The following CD2AP variants were observed in gnomAD, a reference collection of about 807,000 sequenced individuals.
CD2AP encodes the protein CD2-associated protein.
CD2AP carries 46 observed loss-of-function variants against 85.1 expected under a neutral mutation model. The observed-to-expected ratio is 0.54, with a 90% CI of 0.43 to 0.69. The LOEUF is 0.69. Among genes scored for constraint, CD2AP ranks in the 30% least tolerant of loss-of-function variants. The pLI, the probability that CD2AP is intolerant of heterozygous loss-of-function variation, is 0.00. For missense variants in CD2AP, 769 were observed against 729.5 expected, an observed-to-expected ratio of 1.05 and a Z score of -0.62; for synonymous variants, 255 against 252.9, an observed-to-expected ratio of 1.01 and a Z score of -0.08.
In CD2AP at chr6:47,567,084, G is replaced by GTT. The variant is rs34283930; in HGVS notation, c.542-6968_542-6967dup. ...AGAGTTTTGTTTTTCTGATTTCCCA[G>GTT]TTTTTTTTTTTTTAACTTTACTATG... is the stretch of plus-strand genomic sequence containing the variant. On this transcript the variant is annotated intron_variant, in intron 5 of 17. Coordinates refer to ENST00000359314, the MANE Select transcript of CD2AP (RefSeq NM_012120.3). Among the ~76,000 whole-genome samples, 128 of 145,788 alleles carry GTT rather than the reference G, an allele frequency of 8.8e-4. 1 individual carries two copies. In the East Asian group the frequency reaches 0.014, roughly 16 times the overall value.
At chr6:47,481,436 C>T (rs1254772476) in intron 1 of CD2AP, among the ~76,000 whole-genome samples, 1 of 152,082 alleles carries the variant, frequency 6.6e-6, no homozygotes, top group Non-Finnish European at 1.5e-5. Context: ...ACCTCCGCCT[C>T]CTGGGTTCAA....
intron 1 of CD2AP, among the ~76,000 whole-genome samples, chr6:47,495,885 C>T (rs934090556): frequency 3.3e-5 from 5 of 152,128 alleles, no homozygotes; most frequent in Admixed American, 2.0e-4. Flanking sequence ...CTTATAAAAA[C>T]CTGATGTTAA....
At chr6:47,603,690 G>A (rs1017121517) in intron 13 of CD2AP, among the ~76,000 whole-genome samples, 63 of 151,836 alleles carry the variant, frequency 4.1e-4, no homozygotes, top group African/African-American at 1.5e-3. Context: ...CTTTTTTCCT[G>A]TTTTGTAAAA....
At position 47,627,071 on chromosome 6, in the gene CD2AP, T is replaced by G. The variant is rs1316738559; in HGVS notation, c.*2844T>G. On this transcript the variant is annotated 3_prime_UTR_variant, in exon 18 of 18. Transcript: ENST00000359314. Reference sequence around the variant, plus strand: ...AAATAGTATATACTTCACTAACTTGTTTACAGGTGCTGTATTTAAAAGCAT... The same window carrying G: ...AAATAGTATATACTTCACTAACTTGGTTACAGGTGCTGTATTTAAAAGCAT... The G allele has an allele frequency of 6.6e-6, 1 of 152,454 alleles. No homozygotes were observed. Among genetic ancestry groups the G allele is most frequent in the Non-Finnish European group, 1.5e-5 (1 of 67,906 alleles). The allele number at this position is 152,454 out of a possible 1,614,324, so 9.4% of individuals were successfully genotyped here.
chr6:47,623,947 C>T (rs919866755), intron 17 of CD2AP, among the ~76,000 whole-genome samples: 24 of 152,030 alleles, frequency 1.6e-4, no homozygotes, highest in African/African-American at 4.6e-4. Context: ...CATGACTTAA[C>T]ATTTGTTCTG....
intron 1 of CD2AP, among the ~76,000 whole-genome samples, chr6:47,478,711 A>T (rs975566438): frequency 2.0e-5 from 3 of 152,020 alleles, no homozygotes; most frequent in Non-Finnish European, 4.4e-5. Context: ...AGAGAGATAA[A>T]TTTGTTCAAA....
At chr6:47,557,322 T>C (rs1281651100) in intron 5 of CD2AP, among the ~76,000 whole-genome samples, 2 of 152,176 alleles carry the variant, frequency 1.3e-5, no homozygotes, top group Non-Finnish European at 2.9e-5. Context: ...CGAAGCTCTT[T>C]AGTTTAATTA....
At chr6:47,608,111 T>C (rs1474472019) in intron 15 of CD2AP, 83 bp downstream of exon 15, 1 of 949,994 alleles carries the variant, frequency 1.1e-6, no homozygotes, top group Non-Finnish European at 1.7e-6. Flanking sequence ...AGGTGTTCTT[T>C]AGGACGAATT....
chr6:47,594,856 G>A (rs1221164381), intron 11 of CD2AP, among the ~76,000 whole-genome samples: 2 of 152,016 alleles, frequency 1.3e-5, no homozygotes, highest in Non-Finnish European at 1.5e-5. Flanking sequence ...ATTTTTAAAA[G>A]GAAGAGGTTT....
chr6:47,599,428 A>C lies in CD2AP; in HGVS notation c.1402A>C (p.Thr468Pro). 6.2e-7 allele frequency: 1 copy of C among 1,612,266 alleles called. No individual in the cohort carries two copies. Among genetic ancestry groups the C allele is most frequent in the Non-Finnish European group, 8.5e-7 (1 of 1,179,036 alleles). The change falls in exon 13 of 18, where the codon ACC (threonine) becomes CCC (proline). Residue 468 changes from threonine to proline, a missense_variant. Thr to Pro is a conservative substitution (Grantham distance 38). Coordinates refer to ENST00000359314, the MANE Select transcript of CD2AP (RefSeq NM_012120.3). ...AGACTTTGATTCACTTACAGTAAGGACCTCCAAAGAAACAGGTAAGTCAGC... is the reference window on the plus strand; with the variant it reads ...AGACTTTGATTCACTTACAGTAAGGCCCTCCAAAGAAACAGGTAAGTCAGC... ...SVDFDSLTVR[T>P]SKETDVVNFD...
chr6:47,504,802 A>G (rs1296131656), intron 2 of CD2AP, among the ~76,000 whole-genome samples: 2 of 152,156 alleles, frequency 1.3e-5, no homozygotes, highest in Non-Finnish European at 2.9e-5. Flanking sequence ...TGTAAAAGTT[A>G]TGTTTACATT....
Position 47,478,062 on chromosome 6 carries a change from C to G in CD2AP, c.-183C>G, listed in dbSNP as rs2113951097. ...CTTTGCCTCTGCCTCGAGGGCCGCG[C>G]TGAAGAGACTGGTAGGAGAGCGCCG... On this transcript the variant is annotated 5_prime_UTR_variant, in exon 1 of 18. Transcript: ENST00000359314. The G allele has an allele frequency of 1.3e-6, 1 of 755,282 alleles. No homozygotes were observed. The highest frequency in any genetic ancestry group is 1.7e-5 in the South Asian group (1 of 57,932). The allele number at this position is 755,282 out of a possible 1,614,324, so 46.8% of individuals were successfully genotyped here.
chr6:47,559,473 A>T (rs1767793286), intron 5 of CD2AP, among the ~76,000 whole-genome samples: 1 of 151,924 alleles, frequency 6.6e-6, no homozygotes, highest in East Asian at 1.9e-4. Flanking sequence ...TGTTGACCAG[A>T]CAGGTTTTGG....
chr6:47,611,003 G>A (rs9357549), intron 16 of CD2AP, among the ~76,000 whole-genome samples: 79,012 of 130,224 alleles, frequency 0.61, 24,628 homozygotes, highest in Middle Eastern at 0.75. Context: ...AAAACATTTT[G>A]GAAGTCTTTC....
Position 47,607,928 on chromosome 6 carries a change from C to T in CD2AP, c.1532C>T (p.Pro511Leu). Residue 511 changes from proline (P) to leucine (L), a missense_variant and splice_region_variant, in exon 15 of 18, where the codon CCA (proline) becomes CTA (leucine). Coordinates refer to ENST00000359314, the MANE Select transcript of CD2AP (RefSeq NM_012120.3). ...CTTGACTTCTAAAAAATCATTTAGC[C>T]AACTCACAGCCCCGAAAAAATCTTG... ...LPGRFNGGHS[P>L]THSPEKILKL... The T allele has an allele frequency of 6.2e-7, 1 of 1,608,066 alleles. No individual in the cohort carries two copies. Among genetic ancestry groups the T allele is most frequent in the Non-Finnish European group, 8.5e-7 (1 of 1,175,476 alleles).
intron 5 of CD2AP, among the ~76,000 whole-genome samples, chr6:47,569,883 G>A (rs1466372260): frequency 1.3e-5 from 2 of 152,124 alleles, no homozygotes; most frequent in African/African-American, 4.8e-5. Flanking sequence ...GCTTTGCAAG[G>A]AAACTTTTTC....
chr6:47,608,081 C>A, intron 15 of CD2AP, 53 bp downstream of exon 15: 1 of 1,197,874 alleles, frequency 8.3e-7, no homozygotes, highest in Non-Finnish European at 1.2e-6. Flanking sequence ...TCTTTGTGGA[C>A]ATCAAACATA....
Position 47,512,714 on chromosome 6 carries a change from T to C in CD2AP, c.165+9274T>C, listed in dbSNP as rs561948563. 3.3e-5 allele frequency among the ~76,000 whole-genome samples: 5 copies of C among 152,366 alleles called. No individual in the cohort carries two copies. The South Asian group carries it at 1.0e-3, about 32-fold the overall frequency. ...TGCCATCTTGCTTAAGTGTTACTTT[T>C]TAATAAAGAGAACATTACAGATGAG... On this transcript the variant is annotated intron_variant, in intron 2 of 17. Coordinates refer to ENST00000359314, the MANE Select transcript of CD2AP (RefSeq NM_012120.3).
intron 1 of CD2AP, among the ~76,000 whole-genome samples, chr6:47,480,443 A>C (rs1312390990): frequency 1.3e-5 from 2 of 152,206 alleles, no homozygotes; most frequent in Non-Finnish European, 2.9e-5. Flanking sequence ...TTGGATGCCT[A>C]TTAAATGGTG....
Sources: allele counts gnomAD v4.1 joint callset (sites outside exome capture counted in the v4.1 genomes callset), GRCh38; gene constraint gnomAD v4.1.1; transcripts MANE v1.5; gene names NCBI Gene and HGNC (gene_info 2026-07-23, HGNC 2026-07-21).